The following CDK14 variants were observed in gnomAD, a reference collection of about 807,000 sequenced individuals.
CDK14 encodes the protein cyclin dependent kinase 14, also known as cyclin-dependent kinase 14.
CDK14 carries 34 observed loss-of-function variants against 60.7 expected under a neutral mutation model. The ratio of observed to expected loss-of-function variants is 0.56; its 90% CI spans 0.43 to 0.75. The LOEUF is 0.75. Among genes scored for constraint, CDK14 ranks in the 30% least tolerant of loss-of-function variants. The pLI is 0.00. For missense variants in CDK14, 482 were observed against 564.1 expected, an observed-to-expected ratio of 0.85 and a Z score of 1.47; for synonymous variants, 197 against 203.7, an observed-to-expected ratio of 0.97 and a Z score of 0.28.
chr7:90,967,564 T>C (rs959377034), intron 9 of CDK14, among the ~76,000 whole-genome samples: 1 of 152,180 alleles, frequency 6.6e-6, no homozygotes, highest in African/African-American at 2.4e-5. Flanking sequence ...CCCTACCATT[T>C]AACTCTCAGT....
chr7:91,164,770 G>A (rs540296987), intron 14 of CDK14, among the ~76,000 whole-genome samples: 1 of 152,162 alleles, frequency 6.6e-6, no homozygotes, highest in Admixed American at 6.5e-5. Flanking sequence ...ACTGTTTTCT[G>A]CCTGCCTGCT....
chr7:91,131,344 T>C (rs1476699154), intron 14 of CDK14, among the ~76,000 whole-genome samples: 1 of 152,108 alleles, frequency 6.6e-6, no homozygotes, highest in Non-Finnish European at 1.5e-5. Context: ...AAGTACATGA[T>C]ATCCACATAA....
intron 5 of CDK14, among the ~76,000 whole-genome samples, chr7:90,801,600 G>A (rs1465827884): frequency 6.6e-6 from 1 of 152,214 alleles, no homozygotes; most frequent in Non-Finnish European, 1.5e-5. Context: ...TCTATACGTT[G>A]GCCACTGGGA....
intron 14 of CDK14, among the ~76,000 whole-genome samples, chr7:91,165,068 G>C (rs1427713296): frequency 6.6e-6 from 1 of 152,172 alleles, no homozygotes; most frequent in African/African-American, 2.4e-5. Context: ...TTTTGTGATC[G>C]CTCTTCAGCG....
intron 14 of CDK14, among the ~76,000 whole-genome samples, chr7:91,129,573 T>C (rs930015854): frequency 3.9e-5 from 6 of 152,138 alleles, no homozygotes; most frequent in Non-Finnish European, 8.8e-5. Context: ...AGGCATATGG[T>C]TTTTACTTGA....
chr7:90,812,219 A>G (rs1367320426), intron 5 of CDK14, among the ~76,000 whole-genome samples: 2 of 152,382 alleles, frequency 1.3e-5, no homozygotes, highest in Non-Finnish European at 1.5e-5. Context: ...AACCAACCCA[A>G]ATATCCAACA....
At chr7:91,146,385 G>A (rs1457692166) in intron 14 of CDK14, among the ~76,000 whole-genome samples, 1 of 152,176 alleles carries the variant, frequency 6.6e-6, no homozygotes, top group Non-Finnish European at 1.5e-5. Flanking sequence ...ATTTTTAGTA[G>A]AGTCAGGGTT....
At chr7:90,673,623 A>G (rs1801142403) in intron 2 of CDK14, among the ~76,000 whole-genome samples, 1 of 152,246 alleles carries the variant, frequency 6.6e-6, no homozygotes, top group South Asian at 2.1e-4. Flanking sequence ...GCTTGTTAAC[A>G]GTATTTTTTC....
At chr7:90,996,329 T>A (rs1795680521) in intron 10 of CDK14, among the ~76,000 whole-genome samples, 1 of 152,222 alleles carries the variant, frequency 6.6e-6, no homozygotes, top group Admixed American at 6.5e-5. Flanking sequence ...CTGTCCAGGA[T>A]GTTAATCTTT....
intron 2 of CDK14, among the ~76,000 whole-genome samples, chr7:90,672,212 C>T (rs1484398671): frequency 3.9e-5 from 6 of 152,080 alleles, no homozygotes; most frequent in Non-Finnish European, 7.4e-5. Flanking sequence ...TTTAAGTATA[C>T]AATTCAGTAG....
chr7:90,663,800 A>G (rs1175051024), intron 2 of CDK14, among the ~76,000 whole-genome samples: 6 of 152,230 alleles, frequency 3.9e-5, no homozygotes, highest in African/African-American at 1.4e-4. Flanking sequence ...TTCAGTGAAA[A>G]TTAATTACAC....
rs6962407 is a variant in CDK14 at position 90,816,391 on chromosome 7, A to T, written c.544+25739A>T. ...TCGAGCTGCTCAGATGTTCACTGTT[A>T]TTCTACTAAAAAGATAATCTGGGTA... On this transcript the variant is annotated intron_variant, in intron 5 of 14. Transcript: ENST00000380050. Among the ~76,000 whole-genome samples the T allele has an allele frequency of 9.9e-3, 1,514 of 152,300 alleles. 23 individuals carry two copies. The highest frequency in any genetic ancestry group is 0.033 in the African/African-American group (1,389 of 41,548).
intron 14 of CDK14, among the ~76,000 whole-genome samples, chr7:91,169,073 C>A (rs768228308): frequency 6.6e-6 from 1 of 152,214 alleles, no homozygotes; most frequent in Non-Finnish European, 1.5e-5. Context: ...GATAATAAAT[C>A]CATCCATTTA....
intron 3 of CDK14, among the ~76,000 whole-genome samples, chr7:90,737,867 G>A (rs1454650763): frequency 6.6e-6 from 1 of 152,116 alleles, no homozygotes; most frequent in Non-Finnish European, 1.5e-5. Flanking sequence ...CAATTCAGGG[G>A]GTACTCAACA....
chr7:90,813,381 TATTGA>T (rs1244605259), intron 5 of CDK14, among the ~76,000 whole-genome samples: 1 of 152,186 alleles, frequency 6.6e-6, no homozygotes, highest in Non-Finnish European at 1.5e-5. Flanking sequence ...TACTGAAAAC[TATTGA>T]ATTGTATGCA....
chr7:90,766,323 G>T (rs752004558), intron 4 of CDK14, among the ~76,000 whole-genome samples: 10 of 152,144 alleles, frequency 6.6e-5, no homozygotes, highest in Middle Eastern at 3.4e-3. Context: ...TAATAGAATT[G>T]ATTTCATACA....
chr7:90,745,779 C>T (rs1489300419), intron 3 of CDK14, among the ~76,000 whole-genome samples: 2 of 152,180 alleles, frequency 1.3e-5, no homozygotes, highest in African/African-American at 4.8e-5. Context: ...TATCTGCCCA[C>T]TGAATTTTAT....
chr7:90,814,375 G>A (rs1160819528), intron 5 of CDK14, among the ~76,000 whole-genome samples: 1 of 152,088 alleles, frequency 6.6e-6, no homozygotes, highest in African/African-American at 2.4e-5. Flanking sequence ...TTTTACATCA[G>A]AGCTTTTTTT....
intron 9 of CDK14, among the ~76,000 whole-genome samples, chr7:90,960,574 A>T (rs928144480): frequency 1.3e-5 from 2 of 152,264 alleles, no homozygotes; most frequent in African/African-American, 4.8e-5. Context: ...TATATAGAAA[A>T]ATGTCCACAT....
Sources: gnomAD v4.1 joint callset for allele counts (sites outside exome capture counted in the v4.1 genomes callset) on GRCh38, gnomAD v4.1.1 for gene constraint, MANE v1.5 for transcripts, NCBI Gene and HGNC (gene_info 2026-07-23, HGNC 2026-07-21) for gene names.